Variants in PARD3B observed in about 807,000 individuals in gnomAD.
The protein encoded by PARD3B is partitioning defective 3 homolog B.
In PARD3B, 103 loss-of-function variants were observed where a neutral mutation model predicts 130.2. The ratio of observed to expected loss-of-function variants is 0.79; its 90% CI spans 0.67 to 0.93. The LOEUF (loss-of-function observed/expected upper bound fraction) is 0.93, where lower values mean the gene tolerates loss of function less well. Among genes scored for constraint, PARD3B ranks in the 40% least tolerant of loss-of-function variants. The pLI, the probability that PARD3B is intolerant of heterozygous loss-of-function variation, is 0.00. For synonymous variants in PARD3B, 583 were observed against 553.2 expected (o/e 1.05, Z -0.76); for missense variants, 1,609 against 1,499.2 (o/e 1.07, Z -1.21).
chr2:205,060,689 T>C (rs1036518798), intron 4 of PARD3B, among the ~76,000 whole-genome samples: 5 of 152,124 alleles, frequency 3.3e-5, no homozygotes, highest in Admixed American at 3.3e-4. Context: ...ATAATGAATG[T>C]TGATAATTAA....
At chr2:205,401,523 T>A (rs767662894) in intron 19 of PARD3B, among the ~76,000 whole-genome samples, 26 of 152,156 alleles carry the variant, frequency 1.7e-4, no homozygotes, top group Non-Finnish European at 2.6e-4. Context: ...GCGCAATCCG[T>A]TTGGGTCCTG....
chr2:204,946,519 ATG>A (rs1285191365), intron 2 of PARD3B, among the ~76,000 whole-genome samples: 1 of 152,092 alleles, frequency 6.6e-6, no homozygotes, highest in Non-Finnish European at 1.5e-5. Context: ...TACAACCTCT[ATG>A]TAATTGTAGG....
chr2:205,150,854 G>A (rs2033706419), intron 10 of PARD3B, among the ~76,000 whole-genome samples: 1 of 152,096 alleles, frequency 6.6e-6, no homozygotes, highest in Non-Finnish European at 1.5e-5. Flanking sequence ...CAGAGGAGGA[G>A]GAGAGTGGGG....
Position 205,590,048 on chromosome 2 carries a change from C to G in PARD3B, c.3261-25408C>G, listed in dbSNP as rs2054328953. Among the ~76,000 whole-genome samples the G allele has an allele frequency of 6.7e-6, 1 of 150,264 alleles. No homozygotes were observed. The highest frequency in any genetic ancestry group is 2.5e-5 in the African/African-American group (1 of 39,552). ...TGGCTCTTTCTAAGTATTTTATCCT[C>G]TAGTACTTACATTCATACCTATTGG... On this transcript the variant is annotated intron_variant, in intron 22 of 22. Coordinates refer to ENST00000406610, the MANE Select transcript of PARD3B (RefSeq NM_001302769.2). The surrounding 1 kb of genome is among the most constrained non-coding windows in gnomAD (Gnocchi z 4.1).
At position 205,590,104 on chromosome 2, in the gene PARD3B, T is replaced by C. The variant is rs118038784; in HGVS notation, c.3261-25352T>C. ...ATATACCAACACATGAATGTACACA[T>C]GGACAATAGGTAAACATTATTGTTC... On this transcript the variant is annotated intron_variant, in intron 22 of 22. Coordinates refer to ENST00000406610, the MANE Select transcript of PARD3B (RefSeq NM_001302769.2). The surrounding 1 kb of genome is among the most constrained non-coding windows in gnomAD (Gnocchi z 4.1). Among the ~76,000 whole-genome samples, 148 of 152,326 alleles carry C rather than the reference T, an allele frequency of 9.7e-4. 2 individuals carry two copies. In the East Asian group the frequency reaches 0.026, roughly 27 times the overall value.
At chr2:204,724,155 G>A (rs1235191473) in intron 2 of PARD3B, among the ~76,000 whole-genome samples, 1 of 151,860 alleles carries the variant, frequency 6.6e-6, no homozygotes, top group East Asian at 1.9e-4. Flanking sequence ...ATATTCTCTT[G>A]CCATTCACCT....
At chr2:204,720,346 G>T (rs146771585) in intron 2 of PARD3B, among the ~76,000 whole-genome samples, 10 of 152,124 alleles carry the variant, frequency 6.6e-5, no homozygotes, top group Non-Finnish European at 1.5e-4. Flanking sequence ...CTGCGTTTTT[G>T]TGTGTGGTCT....
chr2:205,607,696 C>T (rs1010121828), intron 22 of PARD3B, among the ~76,000 whole-genome samples: 1 of 152,032 alleles, frequency 6.6e-6, no homozygotes. Flanking sequence ...GGTTACTGAG[C>T]CCATCAAGTA....
intron 19 of PARD3B, among the ~76,000 whole-genome samples, chr2:205,436,261 T>C (rs1297365508): frequency 6.6e-6 from 1 of 152,206 alleles, no homozygotes; most frequent in Admixed American, 6.5e-5. Flanking sequence ...CACATGAATT[T>C]TGGGAGACAT....
At chr2:204,819,528 A>T (rs1474210928) in intron 2 of PARD3B, among the ~76,000 whole-genome samples, 1 of 152,138 alleles carries the variant, frequency 6.6e-6, no homozygotes, top group Non-Finnish European at 1.5e-5. Flanking sequence ...CCAATTGATG[A>T]CTCTACAAGA....
At chr2:204,784,252 G>A (rs1300928342) in intron 2 of PARD3B, among the ~76,000 whole-genome samples, 1 of 152,158 alleles carries the variant, frequency 6.6e-6, no homozygotes, top group Non-Finnish European at 1.5e-5. Flanking sequence ...TGGCAACACA[G>A]GCCTTCTTCA....
intron 18 of PARD3B, among the ~76,000 whole-genome samples, chr2:205,355,422 TA>T (rs1428281177): frequency 6.6e-6 from 1 of 152,208 alleles, no homozygotes; most frequent in Non-Finnish European, 1.5e-5. Flanking sequence ...GCAAAAATGA[TA>T]AGGCCAAAAT....
chr2:205,096,328 A>G (rs1047914658), intron 4 of PARD3B, among the ~76,000 whole-genome samples: 3 of 152,190 alleles, frequency 2.0e-5, no homozygotes, highest in Admixed American at 1.3e-4. Flanking sequence ...ATGAACTTAT[A>G]TTAGAATCTG....
chr2:205,092,408 T>C (rs181852904), intron 4 of PARD3B, among the ~76,000 whole-genome samples: 3 of 152,260 alleles, frequency 2.0e-5, no homozygotes, highest in East Asian at 3.9e-4. Flanking sequence ...GGAAAGTTTA[T>C]TGTCATTTAC....
Position 205,301,662 on chromosome 2 carries a change from A to G in PARD3B, c.2591A>G (p.Glu864Gly), listed in dbSNP as rs1559638837. Reference sequence around the variant, plus strand: ...CGCAAAGAGGAGAATGAAGATCCAGAAAGGAAAATAAAGAAGAAGGGCTTC... The same window carrying G: ...CGCAAAGAGGAGAATGAAGATCCAGGAAGGAAAATAAAGAAGAAGGGCTTC... The part of the protein sequence containing the change: ...KKRKEENEDP[E>G]RKIKKKGFGA... Residue 864 changes from glutamate to glycine, a missense_variant, in exon 18 of 23, where the codon GAA becomes GGA. Transcript: ENST00000406610. This position sits in a 1 kb window ranked among gnomAD's most constrained non-coding sequence, Gnocchi z 5.2. 1 of 1,614,002 alleles carries G rather than the reference A, an allele frequency of 6.2e-7. No homozygotes were observed. Among genetic ancestry groups the G allele is most frequent in the Admixed American group, 1.7e-5 (1 of 60,014 alleles).
rs184681827 is a variant in PARD3B at position 205,448,924 on chromosome 2, T to G, written c.3044+8252T>G. ...GCTCAAGCCTGTAATCCCAGCACTT[T>G]GGGAGGCCGAGGCGGGTAGATCACC... On this transcript the variant is annotated intron_variant, in intron 20 of 22. Transcript: ENST00000406610. 3.4e-4 allele frequency among the ~76,000 whole-genome samples: 52 copies of G among 152,216 alleles called. 1 individual carries two copies. In the East Asian group the frequency reaches 8.0e-3, roughly 23 times the overall value.
chr2:205,394,513 A>G (rs1283842331), intron 18 of PARD3B, among the ~76,000 whole-genome samples: 1 of 152,108 alleles, frequency 6.6e-6, no homozygotes, highest in Middle Eastern at 3.2e-3. Context: ...CTCCTCCCTT[A>G]TCAAGAACTT....
chr2:205,606,996 A>C (rs974429175), intron 22 of PARD3B, among the ~76,000 whole-genome samples: 9 of 152,072 alleles, frequency 5.9e-5, no homozygotes, highest in African/African-American at 1.2e-4. Context: ...ATAAAGACTC[A>C]ATTGATTCTT....
chr2:204,942,683 G>A (rs529084313), intron 2 of PARD3B, among the ~76,000 whole-genome samples: 4 of 152,040 alleles, frequency 2.6e-5, no homozygotes, highest in African/African-American at 9.6e-5. Flanking sequence ...CTGATAATAG[G>A]AGCAATCTTT....
Sources: gnomAD v4.1 joint callset for allele counts (sites outside exome capture counted in the v4.1 genomes callset) on GRCh38, gnomAD v4.1.1 for gene constraint, Gnocchi (gnomAD v3.1) non-coding constraint, MANE v1.5 for transcripts, NCBI Gene and HGNC (gene_info 2026-07-23, HGNC 2026-07-21) for gene names.